The following AUTS2 variants were observed in gnomAD, a reference collection of about 807,000 sequenced individuals.
AUTS2 encodes activator of transcription and developmental regulator AUTS2.
Under a neutral mutation model 112.4 loss-of-function variants are expected in AUTS2, and 17 were observed. The ratio of observed to expected loss-of-function variants is 0.15; its 90% CI spans 0.10 to 0.23. The LOEUF (loss-of-function observed/expected upper bound fraction) is 0.23. Ranked by LOEUF, AUTS2 falls within the 10% of genes least tolerant of loss-of-function variation. The pLI is 1.00. For missense variants in AUTS2, 1,510 were observed against 1,701.6 expected, an observed-to-expected ratio of 0.89 and a Z score of 1.98; for synonymous variants, 751 against 702.7, an observed-to-expected ratio of 1.07 and a Z score of -1.09.
Position 69,600,078 on chromosome 7 carries a change from C to T in AUTS2, c.309+116C>T. Reference sequence around the variant, plus strand: ...GCTGTCTGTCTGTCTGTCTGTCTGTCTGTCTGTCTAGGCTGAGGTCTTATT... The same window carrying T: ...GCTGTCTGTCTGTCTGTCTGTCTGTTTGTCTGTCTAGGCTGAGGTCTTATT... On this transcript the variant is annotated intron_variant, in intron 1 of 18. Transcript: ENST00000342771. The T allele has an allele frequency of 3.3e-6, 4 of 1,198,320 alleles. No homozygotes were observed. In the Admixed American group the frequency reaches 8.1e-5, roughly 24 times the overall value. 74.2% of individuals were successfully genotyped at this position (1,198,320 alleles called of 1,614,324 possible). A position where few individuals can be genotyped will look rare whatever the true frequency, so the allele number is the denominator to read the frequency against.
At chr7:70,166,576 C>T (rs914629473) in intron 4 of AUTS2, among the ~76,000 whole-genome samples, 1 of 151,594 alleles carries the variant, frequency 6.6e-6, no homozygotes, top group Non-Finnish European at 1.5e-5. Flanking sequence ...AAGTTAAGAA[C>T]GTATATTGTG....
intron 5 of AUTS2, among the ~76,000 whole-genome samples, chr7:70,546,009 CAGAT>C (rs1387805903): frequency 2.0e-5 from 3 of 152,192 alleles, no homozygotes; most frequent in African/African-American, 7.2e-5. Flanking sequence ...AAGCTAAAAA[CAGAT>C]AGTAAGGGAT....
At position 70,435,906 on chromosome 7, in the gene AUTS2, G is replaced by A. The variant is rs892537024; in HGVS notation, c.690+125G>A. On this transcript the variant is annotated intron_variant, in intron 5 of 18. Transcript: ENST00000342771. ...GACAGGACCTTTTCTCTTTAGGAAA[G>A]ATGGGCATTATTCACACAGTGACAT... 14 of 986,724 alleles carry A rather than the reference G, an allele frequency of 1.4e-5. No individual in the cohort carries two copies. The African/African-American group carries it at 2.2e-4, about 16-fold the overall frequency. The allele number at this position is 986,724 out of a possible 1,614,324, so 61.1% of individuals were successfully genotyped here.
chr7:70,351,052 CT>C (rs34943340), intron 4 of AUTS2, among the ~76,000 whole-genome samples: 37,915 of 134,764 alleles, frequency 0.28, 4,977 homozygotes, highest in Middle Eastern at 0.35. Flanking sequence ...TTGTCTTCTT[CT>C]TTTTTTTTTT....
At chr7:70,442,304 A>C (rs1796151304) in intron 5 of AUTS2, among the ~76,000 whole-genome samples, 2 of 152,128 alleles carry the variant, frequency 1.3e-5, no homozygotes, top group African/African-American at 2.4e-5. Flanking sequence ...ACTCATACTC[A>C]AACCTGATTG....
intron 1 of AUTS2, among the ~76,000 whole-genome samples, chr7:69,861,414 C>G (rs965071160): frequency 3.9e-5 from 6 of 152,088 alleles, no homozygotes; most frequent in African/African-American, 1.4e-4. Flanking sequence ...AGCAGCCTGT[C>G]ACTGTGAAAA....
In AUTS2 at chr7:70,572,346, CT is replaced by C. The variant is rs560277545; in HGVS notation, c.691-126221del. On this transcript the variant is annotated intron_variant, in intron 5 of 18. Transcript: ENST00000342771. ...GACGGCAAATAGCCAGGTCCTGAAA[CT>C]TGCTTCTAATGAATTCCTTACATGC... Among the ~76,000 whole-genome samples, 39 of 151,008 alleles carry C rather than the reference CT, an allele frequency of 2.6e-4. No homozygotes were observed. In the East Asian group the frequency reaches 7.5e-3, roughly 29 times the overall value.
chr7:69,879,764 T>C (rs1793961815), intron 1 of AUTS2, among the ~76,000 whole-genome samples: 1 of 152,202 alleles, frequency 6.6e-6, no homozygotes, highest in East Asian at 1.9e-4. Flanking sequence ...GCCTTGCCAC[T>C]GTGAATCACG....
rs1273973587 is a variant in AUTS2 at position 70,394,314 on chromosome 7, C to T, written c.661-41438C>T. ...CTTACAACAACTTTTTGAAGTAGTC[C>T]CCATTTTACAGATGAGAACACTGAT... On this transcript the variant is annotated intron_variant, in intron 4 of 18. Coordinates refer to ENST00000342771, the MANE Select transcript of AUTS2 (RefSeq NM_015570.4). Among the ~76,000 whole-genome samples the T allele has an allele frequency of 2.0e-5, 3 of 152,084 alleles. No individual in the cohort carries two copies. The East Asian group carries it at 5.8e-4, about 29-fold the overall frequency.
chr7:70,717,365 T>C (rs952583786), intron 6 of AUTS2, among the ~76,000 whole-genome samples: 1 of 152,148 alleles, frequency 6.6e-6, no homozygotes, highest in Non-Finnish European at 1.5e-5. Flanking sequence ...AATATTTTTG[T>C]AGAGATGGGG....
At chr7:70,083,289 T>G (rs1042314130) in intron 2 of AUTS2, among the ~76,000 whole-genome samples, 1 of 152,088 alleles carries the variant, frequency 6.6e-6, no homozygotes, top group Non-Finnish European at 1.5e-5. Context: ...TAGAAAACCA[T>G]CAATAGGAGC....
At chr7:69,821,294 G>C (rs950507128) in intron 1 of AUTS2, among the ~76,000 whole-genome samples, 1 of 152,116 alleles carries the variant, frequency 6.6e-6, no homozygotes, top group Admixed American at 6.5e-5. Context: ...GACGTCCTGG[G>C]TCGAGTGGGG....
chr7:69,830,784 G>A (rs1238622244), intron 1 of AUTS2, among the ~76,000 whole-genome samples: 2 of 152,156 alleles, frequency 1.3e-5, no homozygotes, highest in African/African-American at 4.8e-5. Flanking sequence ...CTTGATTGTA[G>A]AGCTCATAAA....
At position 70,672,587 on chromosome 7, in the gene AUTS2, A is replaced by G. The variant is rs534005469; in HGVS notation, c.691-25982A>G. Among the ~76,000 whole-genome samples, 21 of 152,136 alleles carry G rather than the reference A, an allele frequency of 1.4e-4. 1 individual carries two copies. The South Asian group carries it at 4.0e-3, about 29-fold the overall frequency. ...GTCACTGCTTCCTCGAAAGGGTAGG[A>G]CACATGATTTCTTTTTCTTTTTTTT... On this transcript the variant is annotated intron_variant, in intron 5 of 18. Coordinates refer to ENST00000342771, the MANE Select transcript of AUTS2 (RefSeq NM_015570.4).
chr7:70,191,468 G>GC lies in AUTS2; in HGVS notation c.660+56900dup, dbSNP rs1349118626. On this transcript the variant is annotated intron_variant, in intron 4 of 18. Coordinates refer to ENST00000342771, the MANE Select transcript of AUTS2 (RefSeq NM_015570.4). Reference sequence around the variant, plus strand: ...TTATAGGCGTGAGCCACCACACCCAGCCCACTTATTTCTTAATGATGGGAA... The same window carrying GC: ...TTATAGGCGTGAGCCACCACACCCAGCCCCACTTATTTCTTAATGATGGGAA... Among the ~76,000 whole-genome samples, 11 of 152,146 alleles carry GC rather than the reference G, an allele frequency of 7.2e-5. No individual in the cohort carries two copies. The East Asian group carries it at 2.1e-3, about 29-fold the overall frequency.
intron 1 of AUTS2, among the ~76,000 whole-genome samples, chr7:69,867,167 T>C (rs1793273348): frequency 6.7e-6 from 1 of 150,198 alleles, no homozygotes; most frequent in Non-Finnish European, 1.5e-5. Context: ...GTGAGCCAGC[T>C]TAGGTGGTCT....
At chr7:70,010,804 T>C (rs1799768281) in intron 2 of AUTS2, among the ~76,000 whole-genome samples, 1 of 152,152 alleles carries the variant, frequency 6.6e-6, no homozygotes, top group Non-Finnish European at 1.5e-5. Context: ...CCAAACAGGA[T>C]CTATCCATTC....
At chr7:70,470,878 T>C (rs905002471) in intron 5 of AUTS2, among the ~76,000 whole-genome samples, 25 of 152,084 alleles carry the variant, frequency 1.6e-4, no homozygotes, top group African/African-American at 5.8e-4. Context: ...ATAAAAGCCA[T>C]GGGGATCTGA....
intron 5 of AUTS2, among the ~76,000 whole-genome samples, chr7:70,454,452 G>A (rs958321835): frequency 6.6e-6 from 1 of 152,042 alleles, no homozygotes; most frequent in Admixed American, 6.6e-5. Flanking sequence ...CAGGAGAATC[G>A]CTTGAACCCA....
Sources: gnomAD v4.1 joint callset for allele counts (sites outside exome capture counted in the v4.1 genomes callset) on GRCh38, gnomAD v4.1.1 for gene constraint, MANE v1.5 for transcripts, NCBI Gene and HGNC (gene_info 2026-07-23, HGNC 2026-07-21) for gene names.